Variants in ARL2BP observed in about 807,000 individuals in gnomAD.
ARL2BP encodes the protein ARF like GTPase 2 binding protein.
ARL2BP carries 19 observed loss-of-function variants against 24.2 expected under a neutral mutation model. The observed-to-expected ratio is 0.79, with a 90% CI of 0.55 to 1.15. ARL2BP has a LOEUF of 1.15. Ranked by LOEUF, ARL2BP falls within the 50% of genes most tolerant of loss-of-function variation. The pLI is 0.00. For missense variants in ARL2BP, 160 were observed against 190.4 expected, an observed-to-expected ratio of 0.84 and a Z score of 0.94; for synonymous variants, 56 against 70.5, an observed-to-expected ratio of 0.79 and a Z score of 1.03.
At position 57,245,298 on chromosome 16, in the gene ARL2BP, C is replaced by G; in HGVS notation, c.-70C>G. 6.4e-7 allele frequency: 1 copy of G among 1,559,052 alleles called. No individual in the cohort carries two copies. The highest frequency in any genetic ancestry group is 1.9e-5 in the Admixed American group (1 of 51,754). ...GGCCTTGGCTGAGAGGCCTTAACCCCGCCGGGCGGCCGCGCCCTGCATGCG... is the reference window on the plus strand; with the variant it reads ...GGCCTTGGCTGAGAGGCCTTAACCCGGCCGGGCGGCCGCGCCCTGCATGCG... On this transcript the variant is annotated 5_prime_UTR_variant, in exon 1 of 6. Transcript: ENST00000219204.
intron 2 of ARL2BP, among the ~76,000 whole-genome samples, chr16:57,246,783 G>A (rs191090577): frequency 6.6e-5 from 10 of 152,290 alleles, no homozygotes; most frequent in African/African-American, 2.2e-4. Flanking sequence ...CAGCCTGGGC[G>A]ACAGAGCGAG....
intron 1 of ARL2BP, 50 bp downstream of exon 1, chr16:57,245,455 C>A: frequency 6.3e-7 from 1 of 1,589,736 alleles, no homozygotes. Context: ...AGGCAGCGGG[C>A]GTTCGCCCCG....
intron 5 of ARL2BP, 169 bp from the exon 6 acceptor site, chr16:57,251,997 G>C (rs2075409723): frequency 1.7e-6 from 1 of 599,290 alleles, no homozygotes; most frequent in Non-Finnish European, 3.0e-6. Flanking sequence ...ATTAAGACTA[G>C]GGCAGGCCAG....
chr16:57,252,121 G>A (rs1158820681), intron 5 of ARL2BP, 45 bp from the exon 6 acceptor site: 2 of 1,587,774 alleles, frequency 1.3e-6, no homozygotes, highest in Admixed American at 1.7e-5. Flanking sequence ...AAGATTCCAA[G>A]CCAGGGCTCT....
rs1220031806 is a variant in ARL2BP, at chr16:57,252,264, C to T, written c.489C>T (p.His163=). The change falls in exon 6 of 6, where the codon CAC becomes CAT. Residue 163 remains histidine (H), a synonymous_variant. Coordinates refer to ENST00000219204, the MANE Select transcript of ARL2BP (RefSeq NM_012106.4). ...SLPASQNNLR[H] ...CAGCTTCCCAGAACAATCTGCGGCA[C>T]TAGGTCCTACCTCCAGCCAATGAAT... 1.2e-6 allele frequency: 2 copies of T among 1,614,122 alleles called. No individual in the cohort carries two copies. The highest frequency in any genetic ancestry group is 1.3e-5 in the African/African-American group (1 of 74,944).
Position 57,248,555 on chromosome 16 carries a change from T to G in ARL2BP, c.119T>G (p.Leu40Ter). The change falls in exon 3 of 6, where the codon TTA (leucine) becomes TGA (stop). Residue 40 changes from leucine to a stop codon, truncating the protein, a stop_gained. Transcript: ENST00000219204. LOFTEE classifies it high-confidence loss of function. ...GGTTCAGATGACGAGTTCCAGTTATTACAGAGAAATTTCATGGACAAGTAC... is the reference window on the plus strand; with the variant it reads ...GGTTCAGATGACGAGTTCCAGTTATGACAGAGAAATTTCATGGACAAGTAC... ...DIIMDDEFQL[L>*]QRNFMDKYYL... 1 of 1,603,592 alleles carries G rather than the reference T, an allele frequency of 6.2e-7. No homozygotes were observed. Among genetic ancestry groups the G allele is most frequent in the Non-Finnish European group, 8.5e-7 (1 of 1,176,158 alleles).
In ARL2BP at chr16:57,253,217, T is replaced by C. The variant is rs769638061; in HGVS notation, c.*950T>C. The stretch of plus-strand genomic sequence containing the variant: ...ATGTTTGCTGAAAATCCTTTGTGTA[T>C]AAACCAGTTTGTAAGGTTCTCTGGG... On this transcript the variant is annotated 3_prime_UTR_variant, in exon 6 of 6. Transcript: ENST00000219204. The C allele has an allele frequency of 1.3e-5, 2 of 152,608 alleles. No homozygotes were observed. The highest frequency in any genetic ancestry group is 2.9e-5 in the Non-Finnish European group (2 of 68,048). The allele number at this position is 152,608 out of a possible 1,614,324, so 9.5% of individuals were successfully genotyped here.
rs1045179290 is a variant in ARL2BP at position 57,252,611 on chromosome 16, C to T, written c.*344C>T. ...GCTGGTGTGTAAGTGTGGACTAACC[C>T]GCCGCCACCACCCTCTGTTCCAGCA... On this transcript the variant is annotated 3_prime_UTR_variant, in exon 6 of 6. Transcript: ENST00000219204. The T allele has an allele frequency of 1.3e-5, 4 of 301,428 alleles. No homozygotes were observed. Among genetic ancestry groups the T allele is most frequent in the African/African-American group, 2.2e-5 (1 of 46,410 alleles). 18.7% of individuals were successfully genotyped at this position (301,428 alleles called of 1,614,324 possible). A position where few individuals can be genotyped will look rare whatever the true frequency, so the allele number is the denominator to read the frequency against.
At chr16:57,246,370 A>C (rs1185829617) in intron 2 of ARL2BP, 1 of 520,204 alleles carries the variant, frequency 1.9e-6, no homozygotes. Context: ...GAAGGGACTG[A>C]CTCAGGCTAA....
Position 57,245,358 on chromosome 16 carries a change from G to A in ARL2BP, c.-10G>A. On this transcript the variant is annotated 5_prime_UTR_variant, in exon 1 of 6. Transcript: ENST00000219204. ...GCGGGCGGGGTTGGAGCCTACTCGGGGCGACTGCGATGGACGCCTTAGAAG... is the reference window on the plus strand; with the variant it reads ...GCGGGCGGGGTTGGAGCCTACTCGGAGCGACTGCGATGGACGCCTTAGAAG... The A allele has an allele frequency of 6.2e-7, 1 of 1,605,306 alleles. No homozygotes were observed. The highest frequency in any genetic ancestry group is 8.5e-7 in the Non-Finnish European group (1 of 1,176,902).
At position 57,252,987 on chromosome 16, in the gene ARL2BP, GGATGT is replaced by G. The variant is rs1465413186; in HGVS notation, c.*724_*728del. On this transcript the variant is annotated 3_prime_UTR_variant, in exon 6 of 6. Coordinates refer to ENST00000219204, the MANE Select transcript of ARL2BP (RefSeq NM_012106.4). ...AGATGAATACTCAGGCTAACCTAGT[GGATGT>G]GATCTTGGAACTTCCATGATTATCC... 6.5e-6 allele frequency: 1 copy of G among 152,770 alleles called. No individual in the cohort carries two copies. Among genetic ancestry groups the G allele is most frequent in the East Asian group, 1.9e-4 (1 of 5,186 alleles). 9.5% of individuals were successfully genotyped at this position (152,770 alleles called of 1,614,324 possible).
intron 4 of ARL2BP, chr16:57,250,088 G>A: frequency 3.3e-6 from 2 of 597,164 alleles, no homozygotes; most frequent in Non-Finnish European, 3.0e-6. Context: ...GAGCCCAGGA[G>A]TTCAAGACCA....
At position 57,245,259 on chromosome 16, in the gene ARL2BP, A is replaced by C; in HGVS notation, c.-109A>C. ...CGCGCAGGCGCTGACCCGACCTGGCAGTGAGCTGGCCGCGGCCTTGGCTGA... is the reference window on the plus strand; with the variant it reads ...CGCGCAGGCGCTGACCCGACCTGGCCGTGAGCTGGCCGCGGCCTTGGCTGA... On this transcript the variant is annotated 5_prime_UTR_variant, in exon 1 of 6. Transcript: ENST00000219204. The C allele has an allele frequency of 7.4e-7, 1 of 1,351,996 alleles. No homozygotes were observed. Among genetic ancestry groups the C allele is most frequent in the South Asian group, 1.3e-5 (1 of 78,038 alleles). 83.7% of individuals were successfully genotyped at this position (1,351,996 alleles called of 1,614,324 possible). A position where few individuals can be genotyped will look rare whatever the true frequency, so the allele number is the denominator to read the frequency against.
chr16:57,252,401 G>A lies in ARL2BP; in HGVS notation c.*134G>A. On this transcript the variant is annotated 3_prime_UTR_variant, in exon 6 of 6. Coordinates refer to ENST00000219204, the MANE Select transcript of ARL2BP (RefSeq NM_012106.4). ...CTTCATTTATGTTAAGTATTAATAG[G>A]TCAAAACCAAAATGACCTAACCCTC... 6.5e-7 allele frequency: 1 copy of A among 1,526,794 alleles called. No individual in the cohort carries two copies. The highest frequency in any genetic ancestry group is 2.4e-5 in the East Asian group (1 of 41,610). The allele number at this position is 1,526,794 out of a possible 1,614,324, so 94.6% of individuals were successfully genotyped here. A position where few individuals can be genotyped will look rare whatever the true frequency, so the allele number is the denominator to read the frequency against.
At position 57,245,408 on chromosome 16, in the gene ARL2BP, G is replaced by C; in HGVS notation, c.38+3G>C. The stretch of plus-strand genomic sequence containing the variant: ...GGAGAGAGCTTTGCGCTGTCTTTGT[G>C]AGTAGCTCCTCCAGGGCGCAGGCGA... On this transcript the variant is annotated splice_donor_region_variant and intron_variant, in intron 1 of 5. Transcript: ENST00000219204. The C allele has an allele frequency of 1.2e-6, 2 of 1,605,856 alleles. No individual in the cohort carries two copies. The highest frequency in any genetic ancestry group is 3.4e-5 in the Admixed American group (2 of 58,598).
intron 3 of ARL2BP, 81 bp from the exon 4 acceptor site, chr16:57,249,685 AG>A: frequency 8.7e-7 from 1 of 1,143,334 alleles, no homozygotes; most frequent in South Asian, 1.3e-5. Context: ...GGAAATGTTT[AG>A]AAAGGGCTGG....
intron 2 of ARL2BP, chr16:57,247,232 T>C (rs1186673687): frequency 6.6e-6 from 1 of 152,208 alleles, no homozygotes; most frequent in Non-Finnish European, 1.5e-5. Flanking sequence ...TGGGGATTTC[T>C]GGGGAATACT....
intron 4 of ARL2BP, 128 bp from the exon 5 acceptor site, chr16:57,250,283 C>G: frequency 1.3e-6 from 1 of 754,142 alleles, no homozygotes; most frequent in Non-Finnish European, 2.2e-6. Flanking sequence ...GAGCAAGACC[C>G]AGTCTCTAAA....
At chr16:57,250,385 G>T (rs368436972) in intron 4 of ARL2BP, 26 bp from the exon 5 acceptor site, 93 of 1,603,068 alleles carry the variant, frequency 5.8e-5, no homozygotes, top group Non-Finnish European at 7.5e-5. Flanking sequence ...ATTCATTCAC[G>T]AAACAGCCAT....
Sources: gnomAD v4.1 joint callset for allele counts (sites outside exome capture counted in the v4.1 genomes callset) on GRCh38, gnomAD v4.1.1 for gene constraint, MANE v1.5 for transcripts, NCBI Gene and HGNC (gene_info 2026-07-23, HGNC 2026-07-21) for gene names.